DAB2: variants seen among roughly 807,000 people sequenced by gnomAD.
DAB2 encodes the protein disabled homolog 2.
DAB2 carries 28 observed loss-of-function variants against 71.6 expected under a neutral mutation model. The ratio of observed to expected loss-of-function variants is 0.39; its 90% CI spans 0.29 to 0.54. The LOEUF (loss-of-function observed/expected upper bound fraction) is 0.54, where lower values mean the gene tolerates loss of function less well. Ranked by LOEUF, DAB2 falls within the 20% of genes least tolerant of loss-of-function variation. The pLI is 0.68. For synonymous variants in DAB2, 345 were observed against 339.7 expected (o/e 1.02, Z -0.17); for missense variants, 867 against 928.8 (o/e 0.93, Z 0.86).
At position 39,376,095 on chromosome 5, in the gene DAB2, G is replaced by C; in HGVS notation, c.2149C>G (p.Pro717Ala). 6.2e-7 allele frequency: 1 copy of C among 1,613,870 alleles called. No homozygotes were observed. Among genetic ancestry groups the C allele is most frequent in the Middle Eastern group, 1.7e-4 (1 of 6,060 alleles). ...LLNKINEPPK[P>A]APRQVSLPVT... ...GGCAGGGAAACTTGTCTGGGAGCTG[G>C]CTTTGGTGGTTCTAGAAGGTAAAAA... Residue 717 changes from proline (P) to alanine (A), a missense_variant, in exon 13 of 15, where the codon CCA becomes GCA. By Grantham distance (27) the Pro-to-Ala change is conservative (BLOSUM62 -1). This residue lies in a region of DAB2 where 740 missense variants were observed against 734.3 expected (regional missense o/e 1.01). Transcript: ENST00000320816.
At position 39,383,143 on chromosome 5, in the gene DAB2, T is replaced by A. The variant is rs1255768070; in HGVS notation, c.816A>T (p.Ala272=). 2 of 1,614,064 alleles carry A rather than the reference T, an allele frequency of 1.2e-6. No homozygotes were observed. Among genetic ancestry groups the A allele is most frequent in the Non-Finnish European group, 8.5e-7 (1 of 1,180,032 alleles). ...SCSLPRPTPQ[A]SFLPENAFSA... is the part of the protein sequence containing the mutation. ...AAAAGGCATTTTCAGGCAAGAAGGA[T>A]GCCTGAGGCGTTGGTCGAGGAAGAG... The change falls in exon 10 of 15, where the codon GCA becomes GCT. Residue 272 remains alanine, a synonymous_variant. Coordinates refer to ENST00000320816, the MANE Select transcript of DAB2 (RefSeq NM_001343.4).
At chr5:39,404,174 C>G (rs1755559296) in intron 1 of DAB2, among the ~76,000 whole-genome samples, 1 of 140,760 alleles carries the variant, frequency 7.1e-6, no homozygotes, top group Non-Finnish European at 1.5e-5. Context: ...TGTTCTCACT[C>G]ATAGGTGCGA....
Position 39,382,657 on chromosome 5 carries a change from T to C in DAB2, c.1302A>G (p.Pro434=). The C allele has an allele frequency of 1.2e-6, 2 of 1,614,078 alleles. No homozygotes were observed. Among genetic ancestry groups the C allele is most frequent in the South Asian group, 2.2e-5 (2 of 91,080 alleles). ...PHDSIAIIPP[P]QSTKPGRGRR... is the part of the protein sequence containing the mutation. ...TGCCTCTTCCTGGTTTGGTACTTTG[T>C]GGAGGTGGGATAATGGCTATGGAGT... is the stretch of plus-strand genomic sequence containing the variant. Residue 434 remains proline, a synonymous_variant, in exon 10 of 15, where the codon CCA becomes CCG. Transcript: ENST00000320816.
At position 39,389,835 on chromosome 5, in the gene DAB2, A is replaced by G. The variant is rs150768361; in HGVS notation, c.543+17T>C. On this transcript the variant is annotated intron_variant, in intron 6 of 14. Transcript: ENST00000320816. ...CCAGTTTTAAATTTAATAGAGCCTT[A>G]ATCAGGTAGTACTTGCCTTTTTCTT... The G allele has an allele frequency of 2.2e-3, 3,117 of 1,397,820 alleles. 8 individuals carry two copies. Among genetic ancestry groups the G allele is most frequent in the Middle Eastern group, 0.011 (55 of 5,176 alleles). 86.6% of individuals were successfully genotyped at this position (1,397,820 alleles called of 1,614,324 possible).
intron 1 of DAB2, among the ~76,000 whole-genome samples, chr5:39,404,460 TAAA>T (rs574569850): frequency 1.6e-5 from 2 of 127,254 alleles, no homozygotes; most frequent in Non-Finnish European, 3.3e-5. Flanking sequence ...TATTATTATC[TAAA>T]AAAAAAAAAA....
intron 11 of DAB2, among the ~76,000 whole-genome samples, chr5:39,377,904 A>T (rs1754871001): frequency 6.6e-6 from 1 of 152,234 alleles, no homozygotes; most frequent in East Asian, 1.9e-4. Context: ...ATATACATAA[A>T]GGGAAGATAA....
chr5:39,415,014 T>C (rs1274845792), intron 1 of DAB2, among the ~76,000 whole-genome samples: 2 of 152,084 alleles, frequency 1.3e-5, no homozygotes, highest in Non-Finnish European at 2.9e-5. Flanking sequence ...CTATGTGTTT[T>C]GGAGGAATTG....
At position 39,385,972 on chromosome 5, in the gene DAB2, C is replaced by T. The variant is rs144497420; in HGVS notation, c.687+2333G>A. ...TTTTTCTGTCTGCACTTGCCCTGTG[C>T]CCACCCGTGTTATCTTATGGCATGT... On this transcript the variant is annotated intron_variant, in intron 9 of 14. Transcript: ENST00000320816. 1.3e-3 allele frequency among the ~76,000 whole-genome samples: 191 copies of T among 152,266 alleles called. 1 individual carries two copies. The highest frequency in any genetic ancestry group is 2.6e-3 in the Admixed American group (40 of 15,292).
At chr5:39,408,684 G>A (rs1224859570) in intron 1 of DAB2, 1 of 152,058 alleles carries the variant, frequency 6.6e-6, no homozygotes, top group Admixed American at 6.6e-5. Context: ...ATTAGATGAA[G>A]GAAAAAGGAG....
At chr5:39,397,920 G>C (rs1755405115) in intron 1 of DAB2, among the ~76,000 whole-genome samples, 1 of 152,156 alleles carries the variant, frequency 6.6e-6, no homozygotes, top group Non-Finnish European at 1.5e-5. Flanking sequence ...GGCAATTGAA[G>C]TGTGTGTGAC....
At chr5:39,411,896 C>T (rs1755741371) in intron 1 of DAB2, among the ~76,000 whole-genome samples, 1 of 152,046 alleles carries the variant, frequency 6.6e-6, no homozygotes, top group Non-Finnish European at 1.5e-5. Context: ...ACTACAGAAG[C>T]ATATGAACAA....
chr5:39,397,926 G>A (rs184451048), intron 1 of DAB2, among the ~76,000 whole-genome samples: 12 of 152,144 alleles, frequency 7.9e-5, no homozygotes, highest in Admixed American at 7.9e-4. Context: ...TGAAGTGTGT[G>A]TGACTATACC....
At chr5:39,404,116 A>G (rs1755558368) in intron 1 of DAB2, among the ~76,000 whole-genome samples, 1 of 151,634 alleles carries the variant, frequency 6.6e-6, no homozygotes, top group Admixed American at 6.6e-5. Context: ...TAGCAGCATG[A>G]TTTATAATCC....
intron 1 of DAB2, chr5:39,418,145 C>T (rs1455911919): frequency 6.6e-6 from 1 of 152,174 alleles, no homozygotes; most frequent in African/African-American, 2.4e-5. Flanking sequence ...GCACAGCTGA[C>T]CCTTCCCTTT....
chr5:39,405,680 G>T (rs1755593887), intron 1 of DAB2, among the ~76,000 whole-genome samples: 1 of 152,216 alleles, frequency 6.6e-6, no homozygotes, highest in Admixed American at 6.5e-5. Flanking sequence ...TGTATTTGGA[G>T]GTTGCTAGGC....
At position 39,377,090 on chromosome 5, in the gene DAB2, G is replaced by A. The variant is rs1456864866; in HGVS notation, c.1697C>T (p.Pro566Leu). 1 of 1,614,150 alleles carries A rather than the reference G, an allele frequency of 6.2e-7. No homozygotes were observed. Among genetic ancestry groups the A allele is most frequent in the Non-Finnish European group, 8.5e-7 (1 of 1,180,018 alleles). The part of the protein sequence containing the change: ...NQPSPFAAST[P>L]PPVPVVWGPS... ...GCCCCAGACAACAGGCACTGGAGGGGGAGTTGAGGCTGCAAAGGGTGAAGG... is the reference window on the plus strand; with the variant it reads ...GCCCCAGACAACAGGCACTGGAGGGAGAGTTGAGGCTGCAAAGGGTGAAGG... Residue 566 changes from proline to leucine, a missense_variant, in exon 12 of 15, where the codon CCC (proline) becomes CTC (leucine). Around this residue, in one of 2 missense-constraint regions of DAB2, gnomAD observed 740 missense variants for 734.3 expected, o/e 1.01. Transcript: ENST00000320816.
chr5:39,382,968 G>A lies in DAB2; in HGVS notation c.991C>T (p.Leu331=), dbSNP rs1338480911. ...TCACCATTCAGGGGCCCATTACTCAGCGGAGTAGACGAGCTACTCGAATTC... is the reference window on the plus strand; with the variant it reads ...TCACCATTCAGGGGCCCATTACTCAACGGAGTAGACGAGCTACTCGAATTC... ...KENSSSSSTP[L]SNGPLNGDVD... The change falls in exon 10 of 15, where the codon CTG becomes TTG. Residue 331 remains leucine (L), a synonymous_variant. Transcript: ENST00000320816. 1 of 1,614,006 alleles carries A rather than the reference G, an allele frequency of 6.2e-7. No homozygotes were observed. The highest frequency in any genetic ancestry group is 1.3e-5 in the African/African-American group (1 of 74,918).
chr5:39,376,558 G>T, intron 12 of DAB2, 92 bp downstream of exon 12: 2 of 1,432,756 alleles, frequency 1.4e-6, no homozygotes, highest in South Asian at 2.6e-5. Context: ...GCTGTTGGCG[G>T]GTGGGAGAGG....
At chr5:39,383,550 C>T (rs1755031239) in intron 9 of DAB2, among the ~76,000 whole-genome samples, 2 of 152,078 alleles carry the variant, frequency 1.3e-5, no homozygotes, top group South Asian at 2.1e-4. Flanking sequence ...CTCTGCTCAC[C>T]CTGGTTCACA....
Sources: gnomAD v4.1 joint callset for allele counts (sites outside exome capture counted in the v4.1 genomes callset) on GRCh38, gnomAD v4.1.1 for gene constraint, gnomAD v4.1.1 regional missense constraint, MANE v1.5 for transcripts, NCBI Gene and HGNC (gene_info 2026-07-23, HGNC 2026-07-21) for gene names.